Variants in DLG2 observed in about 807,000 individuals in gnomAD.
DLG2 encodes disks large homolog 2.
In DLG2, 45 loss-of-function variants were observed where a neutral mutation model predicts 132.5. That is an observed-to-expected ratio of 0.34 (90% CI 0.27 to 0.44). The LOEUF (loss-of-function observed/expected upper bound fraction) is 0.44. Ranked by LOEUF, DLG2 falls within the 20% of genes least tolerant of loss-of-function variation. The pLI is 1.00. For synonymous variants in DLG2, 424 were observed against 419.6 expected (o/e 1.01, Z -0.13); for missense variants, 1,045 against 1,196.9 (o/e 0.87, Z 1.87).
chr11:84,061,608 A>G (rs2096591808), intron 10 of DLG2, among the ~76,000 whole-genome samples: 1 of 152,192 alleles, frequency 6.6e-6, no homozygotes, highest in African/African-American at 2.4e-5. Context: ...GTGTATATCA[A>G]TTCAAAATGA....
intron 15 of DLG2, among the ~76,000 whole-genome samples, chr11:83,878,392 C>G (rs919734652): frequency 1.3e-5 from 2 of 152,078 alleles, no homozygotes; most frequent in African/African-American, 4.8e-5. Context: ...TAGGTTTCAT[C>G]CCCATTTTCA....
At chr11:85,439,623 T>G (rs1026719092) in intron 3 of DLG2, among the ~76,000 whole-genome samples, 1 of 152,108 alleles carries the variant, frequency 6.6e-6, no homozygotes, top group Non-Finnish European at 1.5e-5. Flanking sequence ...CCTCCCAAAG[T>G]GCTGGAATTA....
Position 85,429,918 on chromosome 11 carries a change from T to C in DLG2, c.41-144553A>G, listed in dbSNP as rs183439977. Among the ~76,000 whole-genome samples, 1,278 of 152,318 alleles carry C rather than the reference T, an allele frequency of 8.4e-3. 17 individuals are homozygous for C. Among genetic ancestry groups the C allele is most frequent in the African/African-American group, 0.029 (1,200 of 41,570 alleles). On this transcript the variant is annotated intron_variant, in intron 3 of 27. Transcript: ENST00000376104. ...AAAGACACATACACACATATGTTTA[T>C]TGTGGCACTATTCACAATAGCAAAG...
chr11:85,116,321 A>G (rs948959550), intron 5 of DLG2, among the ~76,000 whole-genome samples: 7 of 151,234 alleles, frequency 4.6e-5, no homozygotes, highest in African/African-American at 1.5e-4. Flanking sequence ...AGAGTTAAAA[A>G]TTTTTTCAAA....
chr11:83,675,331 T>A (rs1336813816), intron 18 of DLG2, among the ~76,000 whole-genome samples: 1 of 152,254 alleles, frequency 6.6e-6, no homozygotes, highest in African/African-American at 2.4e-5. Context: ...CAAAGTGATA[T>A]ACACCATACA....
intron 6 of DLG2, among the ~76,000 whole-genome samples, chr11:84,836,909 T>C (rs1032399605): frequency 6.6e-6 from 1 of 151,872 alleles, no homozygotes; most frequent in Non-Finnish European, 1.5e-5. Flanking sequence ...GTGCACAACG[T>C]GCAGGTTTGT....
chr11:83,849,998 G>A (rs12280521), intron 16 of DLG2, among the ~76,000 whole-genome samples: 27,621 of 151,916 alleles, frequency 0.18, 2,988 homozygotes, highest in East Asian at 0.39. Context: ...TGTGCTTGGC[G>A]CTGGAAATAT....
intron 16 of DLG2, among the ~76,000 whole-genome samples, chr11:83,849,017 T>C (rs1304037793): frequency 2.0e-5 from 3 of 152,200 alleles, no homozygotes; most frequent in Non-Finnish European, 4.4e-5. Context: ...GGGAATTCTT[T>C]ATGCACAAAA....
At chr11:84,849,964 A>C (rs1359791031) in intron 6 of DLG2, among the ~76,000 whole-genome samples, 1 of 152,178 alleles carries the variant, frequency 6.6e-6, no homozygotes, top group Non-Finnish European at 1.5e-5. Flanking sequence ...TTATTATGAT[A>C]TCTAACTGCC....
intron 7 of DLG2, among the ~76,000 whole-genome samples, chr11:84,442,700 TAA>T (rs537803509): frequency 7.9e-6 from 1 of 126,672 alleles, no homozygotes; most frequent in African/African-American, 4.2e-5. Flanking sequence ...TAAGTATAAT[TAA>T]AAAAAAAGAA....
chr11:83,464,207 C>T (rs888947451), intron 26 of DLG2, among the ~76,000 whole-genome samples: 1 of 152,116 alleles, frequency 6.6e-6, no homozygotes, highest in African/African-American at 2.4e-5. Context: ...GATGGTGGCA[C>T]AATATAAAAA....
intron 4 of DLG2, among the ~76,000 whole-genome samples, chr11:85,195,091 G>C (rs936807718): frequency 2.6e-5 from 4 of 152,218 alleles, no homozygotes; most frequent in Non-Finnish European, 5.9e-5. Context: ...ACAAGGGACA[G>C]CATCTAAAAA....
chr11:83,912,833 C>G (rs937269545), intron 15 of DLG2, among the ~76,000 whole-genome samples: 4 of 152,054 alleles, frequency 2.6e-5, no homozygotes, highest in African/African-American at 9.7e-5. Context: ...TGGGAAAACA[C>G]TGAGAGAACA....
At position 85,523,184 on chromosome 11, in the gene DLG2, T is replaced by C. The variant is rs528689299; in HGVS notation, c.40+75473A>G. Among the ~76,000 whole-genome samples the C allele has an allele frequency of 2.2e-4, 34 of 152,280 alleles. No homozygotes were observed. The South Asian group carries it at 5.4e-3, about 24-fold the overall frequency. On this transcript the variant is annotated intron_variant, in intron 3 of 27. Coordinates refer to ENST00000376104, the MANE Select transcript of DLG2 (RefSeq NM_001142699.3). ...TGAGTTCTCACAAGATCTGATGGTTTTGTGAGGGGCTTTTTCCCACTTCAC... is the reference window on the plus strand; with the variant it reads ...TGAGTTCTCACAAGATCTGATGGTTCTGTGAGGGGCTTTTTCCCACTTCAC...
Position 84,237,759 on chromosome 11 carries a change from C to T in DLG2, c.573+13479G>A, listed in dbSNP as rs546737062. On this transcript the variant is annotated intron_variant, in intron 8 of 27. Coordinates refer to ENST00000376104, the MANE Select transcript of DLG2 (RefSeq NM_001142699.3). ...ACACTTAGAAAAGGAAAGACACAGC[C>T]GGGCATGGTGGCTTATGCCTATAAT... Among the ~76,000 whole-genome samples, 109 of 147,468 alleles carry T rather than the reference C, an allele frequency of 7.4e-4. 2 individuals are homozygous for T. The South Asian group carries it at 0.02, about 28-fold the overall frequency.
chr11:83,928,144 A>G (rs899998368), intron 15 of DLG2, among the ~76,000 whole-genome samples: 1 of 152,124 alleles, frequency 6.6e-6, no homozygotes, highest in African/African-American at 2.4e-5. Context: ...AAAGAAAAAA[A>G]GAAGGAGAAA....
intron 4 of DLG2, among the ~76,000 whole-genome samples, chr11:85,280,772 GA>G (rs540235430): frequency 2.6e-4 from 40 of 152,084 alleles, no homozygotes; most frequent in African/African-American, 9.2e-4. Context: ...GAATATTGTA[GA>G]ATAGAGAGAT....
At chr11:85,569,307 C>A (rs888519283) in intron 3 of DLG2, among the ~76,000 whole-genome samples, 1 of 152,188 alleles carries the variant, frequency 6.6e-6, no homozygotes, top group Non-Finnish European at 1.5e-5. Context: ...GCTGGGATTA[C>A]AGGCATGAGC....
intron 22 of DLG2, among the ~76,000 whole-genome samples, chr11:83,473,774 C>T (rs2092342665): frequency 6.6e-6 from 1 of 152,098 alleles, no homozygotes; most frequent in Admixed American, 6.6e-5. Context: ...CCCTGAAGCA[C>T]ATTCATAGTC....
Sources: allele counts gnomAD v4.1 joint callset (sites outside exome capture counted in the v4.1 genomes callset), GRCh38; gene constraint gnomAD v4.1.1; transcripts MANE v1.5; gene names NCBI Gene and HGNC (gene_info 2026-07-23, HGNC 2026-07-21).